Variants in PTPRG observed in about 807,000 individuals in gnomAD.
PTPRG encodes the protein receptor-type tyrosine-protein phosphatase gamma.
A neutral mutation model predicts 165.3 loss-of-function variants in PTPRG; 102 were observed. The ratio of observed to expected loss-of-function variants is 0.62; its 90% CI spans 0.53 to 0.73. PTPRG has a LOEUF of 0.73. PTPRG is among the 30% of genes least tolerant of loss of function. The pLI, the probability that PTPRG is intolerant of heterozygous loss-of-function variation, is 0.00. For synonymous variants in PTPRG, 675 were observed against 669.5 expected (o/e 1.01, Z -0.13); for missense variants, 1,866 against 1,861.4 (o/e 1.00, Z -0.05).
At chr3:62,146,034 G>T (rs921770068) in intron 6 of PTPRG, among the ~76,000 whole-genome samples, 3 of 152,186 alleles carry the variant, frequency 2.0e-5, no homozygotes, top group African/African-American at 7.2e-5. Context: ...GAATGTACAC[G>T]TCGTGTCAGT....
chr3:61,616,324 A>G (rs1174158652), intron 1 of PTPRG, among the ~76,000 whole-genome samples: 1 of 152,208 alleles, frequency 6.6e-6, no homozygotes, highest in African/African-American at 2.4e-5. Flanking sequence ...TTTAGTGGAC[A>G]AATCTATGGG....
At chr3:61,931,529 G>A (rs545124192) in intron 2 of PTPRG, among the ~76,000 whole-genome samples, 15 of 152,110 alleles carry the variant, frequency 9.9e-5, no homozygotes, top group Non-Finnish European at 2.1e-4. Context: ...ATCTGCTGGC[G>A]AGGGACTGTG....
intron 2 of PTPRG, among the ~76,000 whole-genome samples, chr3:61,830,978 C>G (rs1162536052): frequency 6.6e-6 from 1 of 152,134 alleles, no homozygotes; most frequent in Admixed American, 6.5e-5. Flanking sequence ...TTTTCAAAGA[C>G]CTAATGAGAA....
At chr3:62,191,145 C>T (rs1036737813) in intron 8 of PTPRG, among the ~76,000 whole-genome samples, 1 of 151,548 alleles carries the variant, frequency 6.6e-6, no homozygotes, top group South Asian at 2.1e-4. Flanking sequence ...GTCTGTGTCC[C>T]GTGCACGTGT....
At chr3:61,739,434 C>T (rs901905302) in intron 1 of PTPRG, among the ~76,000 whole-genome samples, 12 of 152,082 alleles carry the variant, frequency 7.9e-5, no homozygotes, top group African/African-American at 2.9e-4. Flanking sequence ...AGAAATTTTT[C>T]ACTTGTGATG....
At chr3:62,084,774 T>C (rs112332437) in intron 5 of PTPRG, among the ~76,000 whole-genome samples, 45 of 152,336 alleles carry the variant, frequency 3.0e-4, no homozygotes, top group Admixed American at 7.8e-4. Context: ...CTCTGACTTA[T>C]AGCATTCCAT....
intron 2 of PTPRG, among the ~76,000 whole-genome samples, chr3:61,989,176 T>C (rs541159986): frequency 6.6e-6 from 1 of 152,332 alleles, no homozygotes; most frequent in South Asian, 2.1e-4. Context: ...CTGTTGCCTT[T>C]AATTTTTTTT....
chr3:61,648,399 G>A (rs1038742535), intron 1 of PTPRG, among the ~76,000 whole-genome samples: 2 of 152,190 alleles, frequency 1.3e-5, no homozygotes, highest in African/African-American at 4.8e-5. Flanking sequence ...TAGGCACCAA[G>A]GATCCAGGTG....
intron 2 of PTPRG, among the ~76,000 whole-genome samples, chr3:61,916,336 T>G (rs555009627): frequency 6.6e-6 from 1 of 152,328 alleles, no homozygotes; most frequent in Admixed American, 6.5e-5. Context: ...TGTTGAAAAT[T>G]ATTTTAGTAA....
chr3:61,784,295 G>A (rs552246300), intron 2 of PTPRG, among the ~76,000 whole-genome samples: 1 of 152,306 alleles, frequency 6.6e-6, no homozygotes, highest in Admixed American at 6.5e-5. Flanking sequence ...GGGGTTAGGT[G>A]ATGTTGGATT....
At chr3:62,220,186 G>A (rs1211060230) in intron 13 of PTPRG, among the ~76,000 whole-genome samples, 2 of 152,212 alleles carry the variant, frequency 1.3e-5, no homozygotes, top group East Asian at 3.9e-4. Context: ...GCAGAAAAGG[G>A]TATCAGAAAG....
chr3:61,987,743 A>T (rs1244736012), intron 2 of PTPRG, among the ~76,000 whole-genome samples: 1 of 147,158 alleles, frequency 6.8e-6, no homozygotes, highest in Non-Finnish European at 1.5e-5. Flanking sequence ...ATAAATCAAC[A>T]ATCACTTTAT....
At chr3:61,639,109 T>C (rs571842240) in intron 1 of PTPRG, among the ~76,000 whole-genome samples, 10 of 152,340 alleles carry the variant, frequency 6.6e-5, no homozygotes, top group African/African-American at 2.2e-4. Flanking sequence ...GGTGTTCACT[T>C]TCATTCCGCT....
chr3:61,857,524 C>G (rs1367275702), intron 2 of PTPRG, among the ~76,000 whole-genome samples: 1 of 152,072 alleles, frequency 6.6e-6, no homozygotes, highest in Admixed American at 6.6e-5. Context: ...CCCAGCACAG[C>G]GTATTGACAG....
chr3:61,853,185 AG>A (rs1004436361), intron 2 of PTPRG, among the ~76,000 whole-genome samples: 4 of 152,180 alleles, frequency 2.6e-5, no homozygotes. Flanking sequence ...AAAGCAGGGA[AG>A]GGGGGTTTGA....
chr3:61,809,651 T>A (rs1049765995), intron 2 of PTPRG, among the ~76,000 whole-genome samples: 2 of 152,128 alleles, frequency 1.3e-5, no homozygotes, highest in African/African-American at 4.8e-5. Flanking sequence ...ACCTAGCAGG[T>A]TATCTGGCAC....
Position 62,271,238 on chromosome 3 carries a change from T to G in PTPRG, c.3010-145T>G. On this transcript the variant is annotated intron_variant, in intron 20 of 29. Coordinates refer to ENST00000474889, the MANE Select transcript of PTPRG (RefSeq NM_002841.4). The surrounding 1 kb of genome is among the most constrained non-coding windows in gnomAD (Gnocchi z 4.1). Reference sequence around the variant, plus strand: ...GTCTCCAATTTAATGGCATGAAAGTTGGCTACAAGGGGGAATAACCTAGCC... The same window carrying G: ...GTCTCCAATTTAATGGCATGAAAGTGGGCTACAAGGGGGAATAACCTAGCC... 1 of 619,804 alleles carries G rather than the reference T, an allele frequency of 1.6e-6. No homozygotes were observed. Among genetic ancestry groups the G allele is most frequent in the Non-Finnish European group, 2.7e-6 (1 of 371,076 alleles). The allele number at this position is 619,804 out of a possible 1,614,324, so 38.4% of individuals were successfully genotyped here.
At chr3:61,838,684 A>G (rs1284684006) in intron 2 of PTPRG, among the ~76,000 whole-genome samples, 4 of 152,236 alleles carry the variant, frequency 2.6e-5, no homozygotes, top group Admixed American at 2.0e-4. Flanking sequence ...TTTTATTTCA[A>G]TAACACTGTA....
Position 62,287,919 on chromosome 3 carries a change from A to G in PTPRG, c.4056-4502A>G, listed in dbSNP as rs368198554. On this transcript the variant is annotated intron_variant, in intron 28 of 29. Coordinates refer to ENST00000474889, the MANE Select transcript of PTPRG (RefSeq NM_002841.4). ...ACAGATACCATACAAGGCTACATTC[A>G]TTGATTACAACCCACTTACATTAGA... 5.3e-5 allele frequency among the ~76,000 whole-genome samples: 8 copies of G among 152,288 alleles called. No individual in the cohort carries two copies. The East Asian group carries it at 1.5e-3, about 29-fold the overall frequency.
Sources: gnomAD v4.1 joint callset for allele counts (sites outside exome capture counted in the v4.1 genomes callset) on GRCh38, gnomAD v4.1.1 for gene constraint, Gnocchi (gnomAD v3.1) non-coding constraint, MANE v1.5 for transcripts, NCBI Gene and HGNC (gene_info 2026-07-23, HGNC 2026-07-21) for gene names.